Variants in RGS12 observed in about 807,000 individuals in gnomAD.
RGS12 encodes the protein regulator of G protein signaling 12.
A neutral mutation model predicts 120.1 loss-of-function variants in RGS12; 66 were observed. That is an observed-to-expected ratio of 0.55 (90% CI 0.45 to 0.67). The LOEUF is 0.67. Among genes scored for constraint, RGS12 ranks in the 30% least tolerant of loss-of-function variants. The pLI, the probability that RGS12 is intolerant of heterozygous loss-of-function variation, is 0.00. For synonymous variants in RGS12, 827 were observed against 804.7 expected, an observed-to-expected ratio of 1.03 and a Z score of -0.47; for missense variants, 1,859 against 1,957.7, an observed-to-expected ratio of 0.95 and a Z score of 0.95.
In RGS12 at chr4:3,372,293, C is replaced by T. The variant is rs1717094300; in HGVS notation, c.1999-14123C>T. Among the ~76,000 whole-genome samples, 1 of 152,162 alleles carries T rather than the reference C, an allele frequency of 6.6e-6. No individual in the cohort carries two copies. Among genetic ancestry groups the T allele is most frequent in the Non-Finnish European group, 1.5e-5 (1 of 68,028 alleles). ...GCCCTGGGCAGCCCAGCTTGAGCCTCCCTGGCAGGCAGCGGCCGTTCAGCC... is the reference window on the plus strand; with the variant it reads ...GCCCTGGGCAGCCCAGCTTGAGCCTTCCTGGCAGGCAGCGGCCGTTCAGCC... On this transcript the variant is annotated intron_variant, in intron 3 of 17. Transcript: ENST00000336727. This position sits in a 1 kb window ranked among gnomAD's most constrained non-coding sequence, Gnocchi z 4.3.
intron 2 of RGS12, among the ~76,000 whole-genome samples, chr4:3,320,959 G>C (rs994865499): frequency 3.9e-5 from 6 of 152,180 alleles, no homozygotes; most frequent in Non-Finnish European, 1.5e-5. Context: ...CACAGGGAGG[G>C]AGAGAGCAGA....
chr4:3,427,718 A>G (rs192000594), intron 14 of RGS12, among the ~76,000 whole-genome samples: 111 of 152,360 alleles, frequency 7.3e-4, no homozygotes, highest in African/African-American at 2.6e-3. Context: ...CCTGGGAGAC[A>G]GAGTGAGACT....
intron 3 of RGS12, among the ~76,000 whole-genome samples, chr4:3,380,852 G>C (rs1401587402): frequency 6.6e-6 from 1 of 152,208 alleles, no homozygotes; most frequent in African/African-American, 2.4e-5. Flanking sequence ...AAAGGTCTCT[G>C]ATGTGCCCTG....
At chr4:3,402,354 T>C (rs1207909831) in intron 4 of RGS12, among the ~76,000 whole-genome samples, 1 of 152,168 alleles carries the variant, frequency 6.6e-6, no homozygotes, top group African/African-American at 2.4e-5. Flanking sequence ...TTTTGGCTTA[T>C]GGGGTGGCCT....
rs555529900 is a variant in RGS12, at chr4:3,316,523, G to T, written c.353G>T (p.Gly118Val). The change falls in exon 2 of 18, where the codon GGC (glycine) becomes GTC (valine). Residue 118 changes from glycine (G) to valine (V), a missense_variant. By Grantham distance (109) the Gly-to-Val change is moderately radical. Transcript: ENST00000336727. ...DEEGGLYEGK[G>V]WLKPKLDSKA... is the part of the protein sequence containing the mutation. ...GAAGGGGGACTCTATGAAGGAAAAG[G>T]CTGGCTGAAGCCCAAGCTGGATTCT... is the stretch of plus-strand genomic sequence containing the variant. 6.2e-7 allele frequency: 1 copy of T among 1,614,162 alleles called. No individual in the cohort carries two copies. Among genetic ancestry groups the T allele is most frequent in the Non-Finnish European group, 8.5e-7 (1 of 1,180,040 alleles).
At chr4:3,430,326 A>C (rs897380424) in intron 16 of RGS12, 81 bp from the exon 17 acceptor site, 78 of 1,308,842 alleles carry the variant, frequency 6.0e-5, no homozygotes, top group Non-Finnish European at 7.9e-5. Flanking sequence ...CCAGGATGAG[A>C]GCTTTCTAGA....
chr4:3,345,407 A>G (rs1183416890), intron 3 of RGS12, among the ~76,000 whole-genome samples: 1 of 152,126 alleles, frequency 6.6e-6, no homozygotes, highest in Non-Finnish European at 1.5e-5. Context: ...TCCCCCTTTT[A>G]ATTGAGATCT....
chr4:3,416,428 G>A (rs1722407895), intron 7 of RGS12, among the ~76,000 whole-genome samples: 1 of 152,200 alleles, frequency 6.6e-6, no homozygotes, highest in South Asian at 2.1e-4. Context: ...CCTGGGGGAT[G>A]GCGCATCTGC....
rs115214976 is a variant in RGS12, at chr4:3,336,259, C to T, written c.1882-6678C>T. Among the ~76,000 whole-genome samples, 395 of 152,296 alleles carry T rather than the reference C, an allele frequency of 2.6e-3. 3 individuals are homozygous for T. Among genetic ancestry groups the T allele is most frequent in the African/African-American group, 3.1e-3 (129 of 41,548 alleles). ...CATTTTCCCAGCCCTGGGGTGGCAG[C>T]GGCTTCCCGAGGTTGCTACTCCATG... On this transcript the variant is annotated intron_variant, in intron 2 of 17. Coordinates refer to ENST00000336727, the MANE Select transcript of RGS12 (RefSeq NM_001394154.1).
At chr4:3,386,319 C>T in intron 3 of RGS12, 97 bp from the exon 4 acceptor site, 1 of 1,198,780 alleles carries the variant, frequency 8.3e-7, no homozygotes, top group African/African-American at 1.5e-5. Flanking sequence ...GAGAACCTCC[C>T]AGAGTCTGCC....
At chr4:3,344,838 C>T (rs987943414) in intron 3 of RGS12, among the ~76,000 whole-genome samples, 1 of 152,172 alleles carries the variant, frequency 6.6e-6, no homozygotes, top group Non-Finnish European at 1.5e-5. Flanking sequence ...GAGGATGGCC[C>T]AGGTGGCAGG....
chr4:3,340,340 T>C (rs1578765949), intron 2 of RGS12, among the ~76,000 whole-genome samples: 1 of 152,148 alleles, frequency 6.6e-6, no homozygotes, highest in East Asian at 1.9e-4. Flanking sequence ...CTGACAGCGG[T>C]GTCACTGGTG....
At chr4:3,408,829 C>G (rs1163964977) in intron 4 of RGS12, among the ~76,000 whole-genome samples, 2 of 152,194 alleles carry the variant, frequency 1.3e-5, no homozygotes, top group Non-Finnish European at 2.9e-5. Flanking sequence ...GAGTTGAGGC[C>G]CCCGCTTGCT....
chr4:3,417,631 G>A (rs755260087), intron 9 of RGS12, 90 bp downstream of exon 9: 1 of 1,428,638 alleles, frequency 7.0e-7, no homozygotes, highest in Non-Finnish European at 9.7e-7. Context: ...GGTGACCTTG[G>A]GCCATGTGTG....
At chr4:3,343,514 C>T (rs959910184) in intron 3 of RGS12, among the ~76,000 whole-genome samples, 4 of 152,016 alleles carry the variant, frequency 2.6e-5, no homozygotes, top group African/African-American at 9.7e-5. Flanking sequence ...CCTTATGCCC[C>T]CACCCACTTG....
chr4:3,312,441 G>A (rs1466735722), intron 1 of RGS12: 1 of 209,948 alleles, frequency 4.8e-6, no homozygotes, highest in African/African-American at 2.3e-5. Flanking sequence ...CTGTGGACCT[G>A]TGAGGGTGTG....
rs3129313 is a variant in RGS12 at position 3,293,948 on chromosome 4, G to T, written c.-102+849G>T. Among the ~76,000 whole-genome samples, 59 of 24,592 alleles carry T rather than the reference G, an allele frequency of 2.4e-3. 2 individuals carry two copies. The allele number at this position is 24,592 out of a possible 152,430, so 16.1% of individuals were successfully genotyped here. On this transcript the variant is annotated intron_variant, in intron 1 of 17. Transcript: ENST00000336727. ...AGAGTCTCATAGCCGTGCAGACAGA[G>T]AAGGGGCCCAGAGCCATGGAGTGTA... is the stretch of plus-strand genomic sequence containing the variant.
At chr4:3,291,573 C>CT (rs1200097345), upstream of RGS12, among the ~76,000 whole-genome samples, 1 of 152,172 alleles carries the variant, frequency 6.6e-6, no homozygotes, top group Non-Finnish European at 1.5e-5. Flanking sequence ...TCTCGAACTC[C>CT]TGAGCTCCGG....
Position 3,307,653 on chromosome 4 carries a change from G to A in RGS12, c.-101-8417G>A, listed in dbSNP as rs146979707. ...GTGGATCGCGCACCTGCCCTGGGCC[G>A]TGGGTGTGCCAGCCTCGAGGCCTCG... On this transcript the variant is annotated intron_variant, in intron 1 of 17. Coordinates refer to ENST00000336727, the MANE Select transcript of RGS12 (RefSeq NM_001394154.1). 9.5e-3 allele frequency among the ~76,000 whole-genome samples: 1,442 copies of A among 152,316 alleles called. 30 individuals carry two copies. Among genetic ancestry groups the A allele is most frequent in the Non-Finnish European group, 7.1e-3 (484 of 68,014 alleles).
Sources: allele counts gnomAD v4.1 joint callset (sites outside exome capture counted in the v4.1 genomes callset), GRCh38; gene constraint gnomAD v4.1.1; non-coding constraint Gnocchi (gnomAD v3.1); transcripts MANE v1.5; gene names NCBI Gene and HGNC (gene_info 2026-07-23, HGNC 2026-07-21).